Variants in NR3C2 observed in about 807,000 individuals in gnomAD.
NR3C2 encodes the protein mineralocorticoid receptor.
A neutral mutation model predicts 86.4 loss-of-function variants in NR3C2; 15 were observed. The ratio of observed to expected loss-of-function variants is 0.17; its 90% CI spans 0.12 to 0.27. The LOEUF (loss-of-function observed/expected upper bound fraction) is 0.27, where lower values mean the gene tolerates loss of function less well. NR3C2 is among the 10% of genes least tolerant of loss of function. The pLI, the probability that NR3C2 is intolerant of heterozygous loss-of-function variation, is 1.00. For synonymous variants in NR3C2, 458 were observed against 450.5 expected, an observed-to-expected ratio of 1.02 and a Z score of -0.21; for missense variants, 960 against 1,195.6, an observed-to-expected ratio of 0.80 and a Z score of 2.91.
chr4:148,189,443 G>A (rs571207255), intron 4 of NR3C2, among the ~76,000 whole-genome samples: 33 of 152,320 alleles, frequency 2.2e-4, no homozygotes, highest in African/African-American at 7.7e-4. Flanking sequence ...CGGTTAGCTA[G>A]TATTTTGTTA....
At chr4:148,282,841 A>G (rs1253936238) in intron 2 of NR3C2, among the ~76,000 whole-genome samples, 1 of 152,204 alleles carries the variant, frequency 6.6e-6, no homozygotes, top group East Asian at 1.9e-4. Flanking sequence ...TAAGAGAGGG[A>G]CATAAGCAAA....
At chr4:148,428,194 C>T (rs1042702542) in intron 2 of NR3C2, among the ~76,000 whole-genome samples, 1 of 152,104 alleles carries the variant, frequency 6.6e-6, no homozygotes, top group Non-Finnish European at 1.5e-5. Flanking sequence ...TAGAATCCTG[C>T]CCTTCTGTCT....
intron 3 of NR3C2, among the ~76,000 whole-genome samples, chr4:148,231,046 G>A (rs1172318962): frequency 1.3e-5 from 2 of 152,210 alleles, no homozygotes; most frequent in Admixed American, 1.3e-4. Context: ...TCTAAAGGAT[G>A]CTTAGGTCCT....
At chr4:148,227,087 T>C (rs1293702859) in intron 3 of NR3C2, among the ~76,000 whole-genome samples, 2 of 152,188 alleles carry the variant, frequency 1.3e-5, no homozygotes, top group African/African-American at 4.8e-5. Flanking sequence ...TCAATACTCT[T>C]AACAAATCCA....
chr4:148,132,547 T>C (rs2149744030), intron 6 of NR3C2, among the ~76,000 whole-genome samples: 1 of 152,364 alleles, frequency 6.6e-6, no homozygotes, highest in Non-Finnish European at 1.5e-5. Flanking sequence ...CCAGAGGCCA[T>C]TCTGATAGTA....
intron 2 of NR3C2, among the ~76,000 whole-genome samples, chr4:148,285,969 T>C (rs1157819126): frequency 6.6e-6 from 1 of 152,244 alleles, no homozygotes; most frequent in Non-Finnish European, 1.5e-5. Flanking sequence ...ATTCAAAGAA[T>C]GATTTTGCAA....
At chr4:148,268,788 C>CA (rs1265382395) in intron 2 of NR3C2, among the ~76,000 whole-genome samples, 1 of 152,082 alleles carries the variant, frequency 6.6e-6, no homozygotes, top group Non-Finnish European at 1.5e-5. Flanking sequence ...GATTCTAGGA[C>CA]AAAGAGTTGA....
At chr4:148,372,654 G>T (rs545325560) in intron 2 of NR3C2, among the ~76,000 whole-genome samples, 1 of 152,286 alleles carries the variant, frequency 6.6e-6, no homozygotes, top group Admixed American at 6.5e-5. Flanking sequence ...CAAATGGAAG[G>T]CACATAAAAG....
intron 2 of NR3C2, among the ~76,000 whole-genome samples, chr4:148,304,536 G>C (rs1461635989): frequency 1.3e-5 from 2 of 151,998 alleles, no homozygotes; most frequent in Non-Finnish European, 2.9e-5. Context: ...CCTTCTGCTG[G>C]GGACCCTTAG....
chr4:148,224,310 TACAC>T (rs1241844279), intron 3 of NR3C2, among the ~76,000 whole-genome samples: 3 of 152,190 alleles, frequency 2.0e-5, no homozygotes, highest in Admixed American at 6.5e-5. Context: ...TCTATATACA[TACAC>T]ACATTAGTCA....
intron 2 of NR3C2, among the ~76,000 whole-genome samples, chr4:148,294,233 CTT>C (rs1741933277): frequency 6.6e-6 from 1 of 152,168 alleles, no homozygotes; most frequent in African/African-American, 2.4e-5. Flanking sequence ...GGGGACAGTA[CTT>C]GCTCATGGTT....
At chr4:148,107,360 G>A (rs1193266372) in intron 8 of NR3C2, among the ~76,000 whole-genome samples, 2 of 152,192 alleles carry the variant, frequency 1.3e-5, no homozygotes, top group Non-Finnish European at 2.9e-5. Flanking sequence ...ATGCTGGTGA[G>A]GCTGTGGAGA....
At chr4:148,393,884 T>C (rs1258212784) in intron 2 of NR3C2, among the ~76,000 whole-genome samples, 1 of 152,186 alleles carries the variant, frequency 6.6e-6, no homozygotes, top group African/African-American at 2.4e-5. Flanking sequence ...TTTCAGCTCC[T>C]TCCATAAAGA....
chr4:148,295,674 T>C (rs958019076), intron 2 of NR3C2, among the ~76,000 whole-genome samples: 2 of 151,566 alleles, frequency 1.3e-5, no homozygotes, highest in African/African-American at 4.9e-5. Flanking sequence ...CCACTGGCAT[T>C]ACTGTAACTT....
chr4:148,296,007 T>G (rs1411897334), intron 2 of NR3C2, among the ~76,000 whole-genome samples: 4 of 135,140 alleles, frequency 3.0e-5, no homozygotes, highest in African/African-American at 1.1e-4. Flanking sequence ...AGTCAATGTT[T>G]GCTTAATGCA....
chr4:148,303,254 CCTG>C (rs1742434050), intron 2 of NR3C2, among the ~76,000 whole-genome samples: 1 of 152,054 alleles, frequency 6.6e-6, no homozygotes, highest in Non-Finnish European at 1.5e-5. Flanking sequence ...TTAGACTAAC[CCTG>C]CTTATTCCTG....
chr4:148,196,352 G>A (rs1170412408), intron 3 of NR3C2, among the ~76,000 whole-genome samples: 1 of 152,200 alleles, frequency 6.6e-6, no homozygotes, highest in Non-Finnish European at 1.5e-5. Context: ...TCCAAGTGGA[G>A]GTGTCAGGTC....
chr4:148,375,773 C>T (rs1378902842), intron 2 of NR3C2, among the ~76,000 whole-genome samples: 4 of 152,142 alleles, frequency 2.6e-5, no homozygotes, highest in African/African-American at 4.8e-5. Flanking sequence ...CGCACCCTTC[C>T]CTGTGCCTCT....
intron 2 of NR3C2, among the ~76,000 whole-genome samples, chr4:148,394,685 C>T (rs1200863421): frequency 6.6e-6 from 1 of 152,028 alleles, no homozygotes; most frequent in Non-Finnish European, 1.5e-5. Context: ...GAGCAAGACC[C>T]TCAAAAAATA....
Sources: gnomAD v4.1 joint callset for allele counts (sites outside exome capture counted in the v4.1 genomes callset) on GRCh38, gnomAD v4.1.1 for gene constraint, MANE v1.5 for transcripts, NCBI Gene and HGNC (gene_info 2026-07-23, HGNC 2026-07-21) for gene names.